Variants in SPRED1 observed in about 807,000 individuals in gnomAD.
SPRED1 encodes the protein sprouty related EVH1 domain containing 1, also known as sprouty-related, EVH1 domain-containing protein 1.
A neutral mutation model predicts 52.3 loss-of-function variants in SPRED1; 18 were observed. That is an observed-to-expected ratio of 0.34 (90% CI 0.24 to 0.51). The LOEUF (loss-of-function observed/expected upper bound fraction) is 0.51. SPRED1 is among the 20% of genes least tolerant of loss of function. The probability of loss-of-function intolerance (pLI) is 0.97; values close to 1 mark genes in which losing one functional copy is unlikely to be tolerated. For synonymous variants in SPRED1, 155 were observed against 179.7 expected (o/e 0.86, Z 1.10); for missense variants, 485 against 551.0 (o/e 0.88, Z 1.20).
intron 1 of SPRED1, among the ~76,000 whole-genome samples, chr15:38,262,284 C>T (rs1015098973): frequency 2.0e-5 from 3 of 152,160 alleles, no homozygotes; most frequent in South Asian, 2.1e-4. Flanking sequence ...ACTTTAAAAT[C>T]GCTATCACAG....
intron 5 of SPRED1, among the ~76,000 whole-genome samples, chr15:38,348,063 T>G (rs1440762388): frequency 1.3e-4 from 20 of 152,002 alleles, no homozygotes; most frequent in Admixed American, 1.3e-3. Flanking sequence ...TCTGAGACAG[T>G]GGTGAGAAAA....
At chr15:38,331,384 A>G (rs1251296939) in intron 4 of SPRED1, among the ~76,000 whole-genome samples, 2 of 151,942 alleles carry the variant, frequency 1.3e-5, no homozygotes, top group Non-Finnish European at 2.9e-5. Context: ...TCACCACCTA[A>G]TTTTATGTTA....
chr15:38,328,861 G>A (rs564638461), intron 4 of SPRED1, among the ~76,000 whole-genome samples: 2 of 151,914 alleles, frequency 1.3e-5, no homozygotes, highest in South Asian at 2.1e-4. Context: ...CCATAGGCAC[G>A]TACCACCACT....
At position 38,253,048 on chromosome 15, in the gene SPRED1, C is replaced by T; in HGVS notation, c.-138C>T. The T allele has an allele frequency of 1.3e-6, 1 of 742,426 alleles. No individual in the cohort carries two copies. The highest frequency in any genetic ancestry group is 1.5e-5 in the South Asian group (1 of 67,676). 46.0% of individuals were successfully genotyped at this position (742,426 alleles called of 1,614,324 possible). A position where few individuals can be genotyped will look rare whatever the true frequency, so the allele number is the denominator to read the frequency against. ...TGGGGGGGTACCGTTCTGGGTGAGG[C>T]ATCCACCATGGTGAGGCCCCTGTGC... On this transcript the variant is annotated 5_prime_UTR_variant, in exon 1 of 7. Transcript: ENST00000299084.
chr15:38,269,130 C>T (rs939500264), intron 1 of SPRED1, among the ~76,000 whole-genome samples: 5 of 152,002 alleles, frequency 3.3e-5, no homozygotes, highest in South Asian at 2.1e-4. Context: ...TTAGTAGAGA[C>T]GGGGTTTCAC....
At chr15:38,269,816 A>C (rs1355491704) in intron 1 of SPRED1, among the ~76,000 whole-genome samples, 1 of 151,920 alleles carries the variant, frequency 6.6e-6, no homozygotes, top group East Asian at 1.9e-4. Flanking sequence ...GAGGAGTTAA[A>C]TTTTAAATTT....
Position 38,252,992 on chromosome 15 carries a change from C to T in SPRED1, c.-194C>T. Reference sequence around the variant, plus strand: ...GCCACGGCGGAGGTTGCTGCCGCCACCCCCCTGCGGGGGTGGCCGGGGTTC... The same window carrying T: ...GCCACGGCGGAGGTTGCTGCCGCCATCCCCCTGCGGGGGTGGCCGGGGTTC... On this transcript the variant is annotated 5_prime_UTR_variant, in exon 1 of 7. Transcript: ENST00000299084. 1.7e-6 allele frequency: 1 copy of T among 605,100 alleles called. No individual in the cohort carries two copies. The highest frequency in any genetic ancestry group is 1.9e-5 in the South Asian group (1 of 51,732). 37.5% of individuals were successfully genotyped at this position (605,100 alleles called of 1,614,324 possible).
At chr15:38,346,344 A>G (rs1461855155) in intron 5 of SPRED1, among the ~76,000 whole-genome samples, 1 of 151,860 alleles carries the variant, frequency 6.6e-6, no homozygotes, top group African/African-American at 2.4e-5. Flanking sequence ...GGATGGATAG[A>G]TACATTGTTT....
chr15:38,302,961 C>A (rs973323559), intron 2 of SPRED1, among the ~76,000 whole-genome samples: 7 of 151,792 alleles, frequency 4.6e-5, no homozygotes, highest in Non-Finnish European at 1.0e-4. Flanking sequence ...CAGGAAATAG[C>A]GACCATCGTG....
At chr15:38,272,657 G>A (rs898828159) in intron 1 of SPRED1, among the ~76,000 whole-genome samples, 2 of 152,182 alleles carry the variant, frequency 1.3e-5, no homozygotes, top group African/African-American at 4.8e-5. Flanking sequence ...CCAGCATTGT[G>A]TAAGTGTTCC....
chr15:38,281,888 T>TA (rs1247026243), intron 1 of SPRED1, among the ~76,000 whole-genome samples: 1 of 152,182 alleles, frequency 6.6e-6, no homozygotes. Context: ...CATGTTCACT[T>TA]ACAGAAGTTC....
intron 6 of SPRED1, among the ~76,000 whole-genome samples, chr15:38,350,662 G>T (rs1201643328): frequency 6.6e-6 from 1 of 152,142 alleles, no homozygotes; most frequent in South Asian, 2.1e-4. Flanking sequence ...AGTGGCTCAT[G>T]CAATAGTAGA....
intron 6 of SPRED1, among the ~76,000 whole-genome samples, chr15:38,349,929 T>C (rs1888444792): frequency 6.6e-6 from 1 of 152,114 alleles, no homozygotes; most frequent in African/African-American, 2.4e-5. Flanking sequence ...AGATACAAAT[T>C]TGTCTACTTA....
intron 2 of SPRED1, among the ~76,000 whole-genome samples, chr15:38,316,325 A>C (rs939293456): frequency 6.6e-6 from 1 of 152,042 alleles, no homozygotes; most frequent in African/African-American, 2.4e-5. Context: ...CGTAAATAAC[A>C]TCTGTTTAAT....
chr15:38,265,862 A>T (rs1402793958), intron 1 of SPRED1, among the ~76,000 whole-genome samples: 1 of 152,126 alleles, frequency 6.6e-6, no homozygotes, highest in African/African-American at 2.4e-5. Context: ...TTTTCAGCTT[A>T]GGGGAATTAT....
At chr15:38,309,949 A>G (rs1297434958) in intron 2 of SPRED1, among the ~76,000 whole-genome samples, 1 of 152,082 alleles carries the variant, frequency 6.6e-6, no homozygotes, top group Non-Finnish European at 1.5e-5. Context: ...CCATCCCTCC[A>G]CCAGTATCAC....
At chr15:38,335,047 T>C (rs553656953) in intron 4 of SPRED1, among the ~76,000 whole-genome samples, 6 of 152,234 alleles carry the variant, frequency 3.9e-5, no homozygotes, top group South Asian at 2.1e-4. Flanking sequence ...TACTTTCATG[T>C]GTCTTTAATT....
intron 1 of SPRED1, among the ~76,000 whole-genome samples, chr15:38,298,089 G>A (rs143415601): frequency 1.3e-5 from 2 of 152,022 alleles, no homozygotes; most frequent in African/African-American, 4.8e-5. Flanking sequence ...TAAACAAATG[G>A]CCAAAAAGCA....
intron 2 of SPRED1, among the ~76,000 whole-genome samples, chr15:38,310,115 TTGTG>T (rs767218956): frequency 8.6e-5 from 2 of 23,164 alleles, no homozygotes; most frequent in African/African-American, 2.1e-4. Flanking sequence ...AGACTATTCT[TTGTG>T]TGTGTGTGTG....
Sources: gnomAD v4.1 joint callset for allele counts (sites outside exome capture counted in the v4.1 genomes callset) on GRCh38, gnomAD v4.1.1 for gene constraint, MANE v1.5 for transcripts, NCBI Gene and HGNC (gene_info 2026-07-23, HGNC 2026-07-21) for gene names.